Variants in APBB1IP observed in about 807,000 individuals in gnomAD.
APBB1IP encodes amyloid beta precursor protein binding family B member 1 interacting protein, also known as amyloid beta A4 precursor protein-binding family B member 1-interacting protein.
A neutral mutation model predicts 64.9 loss-of-function variants in APBB1IP; 27 were observed. That is an observed-to-expected ratio of 0.42 (90% CI 0.31 to 0.57). APBB1IP has a LOEUF of 0.57. Ranked by LOEUF, APBB1IP falls within the 20% of genes least tolerant of loss-of-function variation. APBB1IP has a pLI of 0.20. For synonymous variants in APBB1IP, 392 were observed against 331.0 expected (o/e 1.18, Z -2.00); for missense variants, 812 against 845.5 (o/e 0.96, Z 0.49).
At chr10:26,457,706 G>A (rs571360157) in intron 2 of APBB1IP, among the ~76,000 whole-genome samples, 2 of 152,328 alleles carry the variant, frequency 1.3e-5, no homozygotes, top group Admixed American at 1.3e-4. Flanking sequence ...TGGTGGAAAT[G>A]CTCTCTATGC....
chr10:26,477,496 A>G (rs1031110073), intron 2 of APBB1IP, among the ~76,000 whole-genome samples: 3 of 152,116 alleles, frequency 2.0e-5, no homozygotes, highest in African/African-American at 7.2e-5. Flanking sequence ...TCTTTCACCT[A>G]GTGGTTTATT....
chr10:26,533,585 A>G (rs1305358240), intron 9 of APBB1IP, 60 bp downstream of exon 9: 2 of 1,153,270 alleles, frequency 1.7e-6, no homozygotes, highest in African/African-American at 1.6e-5. Context: ...TTTTTAAGTC[A>G]TTTGCTTCCG....
chr10:26,567,284 C>CCCGCCGCCG lies in APBB1IP; in HGVS notation c.1809_1817dup (p.Pro604_Pro606dup). On this transcript the variant is annotated inframe_insertion, in exon 15 of 15. Coordinates refer to ENST00000376236, the MANE Select transcript of APBB1IP (RefSeq NM_019043.4). ...CAGGGATCGCGGGCTCAGAGCTGCC[C>CCCGCCGCCG]CCGCCGCCGCCGCCGCCGCCCGCGC... 31 of 1,104,102 alleles carry CCCGCCGCCG rather than the reference C, an allele frequency of 2.8e-5. 1 individual carries two copies. The Admixed American group carries it at 9.7e-4, about 35-fold the overall frequency. The allele number at this position is 1,104,102 out of a possible 1,614,324, so 68.4% of individuals were successfully genotyped here.
chr10:26,486,696 T>C (rs1248335489), intron 2 of APBB1IP, among the ~76,000 whole-genome samples: 2 of 152,260 alleles, frequency 1.3e-5, no homozygotes, highest in East Asian at 3.9e-4. Flanking sequence ...GAGTTAAATG[T>C]GTGAGATTAA....
At chr10:26,480,190 C>T (rs1449457097) in intron 2 of APBB1IP, among the ~76,000 whole-genome samples, 1 of 152,094 alleles carries the variant, frequency 6.6e-6, no homozygotes. Context: ...CCACGAAATG[C>T]ATCATGGGAG....
chr10:26,561,388 CTT>C lies in APBB1IP; in HGVS notation c.1369+560_1369+561del, dbSNP rs34667769. On this transcript the variant is annotated intron_variant, in intron 13 of 14. Transcript: ENST00000376236. ...TGGCCTGTTTTCTTTTTCTTCTTTG[CTT>C]TTTTTTTTTTTTTTTGGAGGTAAGG... Among the ~76,000 whole-genome samples, 335 of 122,466 alleles carry C rather than the reference CTT, an allele frequency of 2.7e-3. 2 individuals are homozygous for C. The highest frequency in any genetic ancestry group is 9.2e-3 in the African/African-American group (304 of 32,904). The allele number at this position is 122,466 out of a possible 152,430, so 80.3% of individuals were successfully genotyped here.
chr10:26,467,528 C>T (rs1279004003), intron 2 of APBB1IP, among the ~76,000 whole-genome samples: 1 of 152,096 alleles, frequency 6.6e-6, no homozygotes, highest in Non-Finnish European at 1.5e-5. Flanking sequence ...TTTGTCTTTA[C>T]AAAAGATTTT....
In APBB1IP at chr10:26,541,365, A is replaced by T. The variant is rs561100099; in HGVS notation, c.1045-217A>T. On this transcript the variant is annotated intron_variant, in intron 10 of 14. Transcript: ENST00000376236. ...TGGGAAAGATTTATGTATAGATCTT[A>T]CTAAATTGTCCCCCAACTTGGCCAT... Among the ~76,000 whole-genome samples, 5 of 152,306 alleles carry T rather than the reference A, an allele frequency of 3.3e-5. No homozygotes were observed. In the South Asian group the frequency reaches 1.0e-3, roughly 32 times the overall value.
intron 2 of APBB1IP, among the ~76,000 whole-genome samples, chr10:26,460,702 G>A (rs368523536): frequency 1.3e-5 from 2 of 152,146 alleles, no homozygotes; most frequent in Non-Finnish European, 2.9e-5. Flanking sequence ...ATGCAGGAAC[G>A]GAAAACTACA....
intron 10 of APBB1IP, 32 bp downstream of exon 10, chr10:26,536,249 A>T: frequency 6.5e-7 from 1 of 1,549,830 alleles, no homozygotes; most frequent in Non-Finnish European, 8.6e-7. Flanking sequence ...GCACTTAGCA[A>T]TAAAGCATTT....
intron 2 of APBB1IP, among the ~76,000 whole-genome samples, chr10:26,491,759 GTTT>G (rs11403116): frequency 2.6e-5 from 3 of 116,572 alleles, no homozygotes; most frequent in Non-Finnish European, 3.4e-5. Flanking sequence ...TTTGTGTAAG[GTTT>G]TTTTTTTTTT....
chr10:26,560,422 C>T (rs1836952483), intron 12 of APBB1IP, among the ~76,000 whole-genome samples: 1 of 152,128 alleles, frequency 6.6e-6, no homozygotes, highest in South Asian at 2.1e-4. Flanking sequence ...GTATTGCAAG[C>T]TTAGTGTGCA....
At chr10:26,516,353 ACC>A (rs1297458484) in intron 8 of APBB1IP, among the ~76,000 whole-genome samples, 4 of 151,512 alleles carry the variant, frequency 2.6e-5, no homozygotes, top group African/African-American at 9.7e-5. Context: ...CAGGAGTTTG[ACC>A]AACATAGAGA....
chr10:26,470,756 G>A (rs886315772), intron 2 of APBB1IP, among the ~76,000 whole-genome samples: 4 of 152,068 alleles, frequency 2.6e-5, no homozygotes, highest in Non-Finnish European at 5.9e-5. Context: ...AATATGCCAC[G>A]CAATAGTCAA....
At chr10:26,475,182 G>C (rs1835761578) in intron 2 of APBB1IP, among the ~76,000 whole-genome samples, 3 of 151,218 alleles carry the variant, frequency 2.0e-5, no homozygotes, top group Admixed American at 2.0e-4. Context: ...GAGTGCAGTG[G>C]TGCAATCTCG....
chr10:26,480,289 C>T (rs1319374140), intron 2 of APBB1IP, among the ~76,000 whole-genome samples: 1 of 152,166 alleles, frequency 6.6e-6, no homozygotes, highest in South Asian at 2.1e-4. Context: ...CCCAGGTGAC[C>T]TCCCAGCAAC....
chr10:26,467,973 T>A (rs1378027218), intron 2 of APBB1IP, among the ~76,000 whole-genome samples: 1 of 152,218 alleles, frequency 6.6e-6, no homozygotes, highest in East Asian at 1.9e-4. Flanking sequence ...TTACTGAGTG[T>A]TTAACACACA....
At position 26,440,994 on chromosome 10, in the gene APBB1IP, G is replaced by C. The variant is rs11597572; in HGVS notation, c.-1+2141G>C. Reference sequence around the variant, plus strand: ...ACAAATCTTATAATAAATTGTCTGCGTTCCATAGCCTATTGGACCACAATC... The same window carrying C: ...ACAAATCTTATAATAAATTGTCTGCCTTCCATAGCCTATTGGACCACAATC... On this transcript the variant is annotated intron_variant, in intron 2 of 14. Coordinates refer to ENST00000376236, the MANE Select transcript of APBB1IP (RefSeq NM_019043.4). 7.2e-5 allele frequency among the ~76,000 whole-genome samples: 11 copies of C among 151,920 alleles called. No individual in the cohort carries two copies. In the East Asian group the frequency reaches 2.1e-3, roughly 29 times the overall value.
intron 11 of APBB1IP, among the ~76,000 whole-genome samples, chr10:26,548,293 C>T (rs930322020): frequency 6.6e-6 from 1 of 151,584 alleles, no homozygotes; most frequent in Non-Finnish European, 1.5e-5. Context: ...CCCATTAACT[C>T]GTCATTTAAC....
Sources: allele counts gnomAD v4.1 joint callset (sites outside exome capture counted in the v4.1 genomes callset), GRCh38; gene constraint gnomAD v4.1.1; transcripts MANE v1.5; gene names NCBI Gene and HGNC (gene_info 2026-07-23, HGNC 2026-07-21).